The following KCNMA1 variants were observed in gnomAD, a reference collection of about 807,000 sequenced individuals.
KCNMA1 encodes the protein potassium calcium-activated channel subfamily M alpha 1.
A neutral mutation model predicts 140.0 loss-of-function variants in KCNMA1; 29 were observed. The ratio of observed to expected loss-of-function variants is 0.21; its 90% confidence interval spans 0.15 to 0.28. KCNMA1 has a LOEUF of 0.28. KCNMA1 is among the 10% of genes least tolerant of loss of function. KCNMA1 has a pLI of 1.00. For missense variants in KCNMA1, 880 were observed against 1,602.2 expected (o/e 0.55, Z 7.70); for synonymous variants, 612 against 611.9 (o/e 1.00, Z 0.00).
At chr10:77,377,958 T>G (rs904119501) in intron 2 of KCNMA1, among the ~76,000 whole-genome samples, 2 of 152,222 alleles carry the variant, frequency 1.3e-5, no homozygotes, top group Non-Finnish European at 2.9e-5. Context: ...GCTATTTTCT[T>G]TCAATGAATA....
At chr10:76,919,253 A>G (rs1311052992) in intron 23 of KCNMA1, among the ~76,000 whole-genome samples, 1 of 152,150 alleles carries the variant, frequency 6.6e-6, no homozygotes, top group Non-Finnish European at 1.5e-5. Context: ...ACAGATCACC[A>G]CTAAAGAACT....
intron 23 of KCNMA1, among the ~76,000 whole-genome samples, chr10:76,943,613 C>T (rs1196286984): frequency 6.6e-6 from 1 of 152,170 alleles, no homozygotes; most frequent in Non-Finnish European, 1.5e-5. Context: ...CTATCTTTCT[C>T]CTCCACTTTC....
chr10:77,529,462 A>G (rs908633453), intron 1 of KCNMA1, among the ~76,000 whole-genome samples: 5 of 151,640 alleles, frequency 3.3e-5, no homozygotes, highest in Admixed American at 3.3e-4. Flanking sequence ...CCCGGCACCT[A>G]CCCTTTGTCA....
At chr10:76,924,528 C>A (rs942454801) in intron 23 of KCNMA1, among the ~76,000 whole-genome samples, 6 of 152,024 alleles carry the variant, frequency 3.9e-5, no homozygotes, top group Admixed American at 2.6e-4. Flanking sequence ...ATGTTAAAGA[C>A]CCTGAAATCT....
At chr10:77,524,850 A>AGAG (rs943087903) in intron 1 of KCNMA1, among the ~76,000 whole-genome samples, 97 of 152,304 alleles carry the variant, frequency 6.4e-4, no homozygotes, top group African/African-American at 2.2e-3. Context: ...GCGGGAGGGA[A>AGAG]GAGGAGGAAA....
At chr10:77,448,924 T>A (rs1180087797) in intron 1 of KCNMA1, among the ~76,000 whole-genome samples, 1 of 151,870 alleles carries the variant, frequency 6.6e-6, no homozygotes, top group South Asian at 2.1e-4. Context: ...CCGTCTCTAC[T>A]AAAAATACAA....
intron 1 of KCNMA1, among the ~76,000 whole-genome samples, chr10:77,486,076 G>T (rs1304346370): frequency 6.6e-6 from 1 of 152,150 alleles, no homozygotes; most frequent in Non-Finnish European, 1.5e-5. Context: ...ATCCTAACAA[G>T]ATAGAGATAA....
chr10:76,999,291 G>A (rs945032368), intron 19 of KCNMA1, among the ~76,000 whole-genome samples: 54 of 152,244 alleles, frequency 3.5e-4, no homozygotes, highest in African/African-American at 1.2e-3. Flanking sequence ...AGTGTGCTGT[G>A]ATTGGTATTG....
intron 20 of KCNMA1, among the ~76,000 whole-genome samples, chr10:76,960,795 C>T (rs546164522): frequency 6.6e-6 from 1 of 152,016 alleles, no homozygotes; most frequent in Admixed American, 6.5e-5. Context: ...AAGAATCAGC[C>T]TGTCCTTTGA....
chr10:77,368,133 T>C (rs1406493450), intron 2 of KCNMA1, among the ~76,000 whole-genome samples: 1 of 152,256 alleles, frequency 6.6e-6, no homozygotes, highest in Non-Finnish European at 1.5e-5. Flanking sequence ...TTTTCCTGAA[T>C]AGCAACATTG....
intron 14 of KCNMA1, among the ~76,000 whole-genome samples, chr10:77,047,047 AG>A (rs1421626570): frequency 6.6e-6 from 1 of 152,218 alleles, no homozygotes; most frequent in African/African-American, 2.4e-5. Context: ...CTTGGATTTC[AG>A]GGACTCCATA....
At position 77,206,298 on chromosome 10, in the gene KCNMA1, G is replaced by T. The variant is rs373354847; in HGVS notation, c.603-21382C>A. On this transcript the variant is annotated intron_variant, in intron 3 of 27. Coordinates refer to ENST00000286628, the MANE Select transcript of KCNMA1 (RefSeq NM_001161352.2). ...CTAACTCACTGTTAAATCAATAAAA[G>T]AGTTTGAAAAAAATGTGTCAACCTG... 3.9e-5 allele frequency among the ~76,000 whole-genome samples: 6 copies of T among 152,220 alleles called. No homozygotes were observed. In the South Asian group the frequency reaches 1.2e-3, roughly 32 times the overall value.
chr10:77,585,353 G>A (rs2076990154), intron 1 of KCNMA1, among the ~76,000 whole-genome samples: 1 of 152,184 alleles, frequency 6.6e-6, no homozygotes, highest in Admixed American at 6.5e-5. Flanking sequence ...GCATGGTACT[G>A]ATTTCACCAG....
At chr10:77,464,935 T>C (rs1327609954) in intron 1 of KCNMA1, among the ~76,000 whole-genome samples, 1 of 152,216 alleles carries the variant, frequency 6.6e-6, no homozygotes, top group Non-Finnish European at 1.5e-5. Context: ...AGCCCAGGGC[T>C]GAAGTGGCCA....
intron 1 of KCNMA1, among the ~76,000 whole-genome samples, chr10:77,466,084 A>T (rs535211591): frequency 1.6e-4 from 24 of 152,200 alleles, no homozygotes; most frequent in African/African-American, 5.5e-4. Context: ...GCAAAAATAG[A>T]CCATGAGGCC....
intron 19 of KCNMA1, among the ~76,000 whole-genome samples, chr10:76,996,319 A>G (rs1267857856): frequency 6.6e-6 from 1 of 152,220 alleles, no homozygotes; most frequent in African/African-American, 2.4e-5. Flanking sequence ...CAGTCAACCT[A>G]TGGCTCAGCG....
At chr10:77,349,275 A>G (rs1236356816) in intron 2 of KCNMA1, among the ~76,000 whole-genome samples, 1 of 152,182 alleles carries the variant, frequency 6.6e-6, no homozygotes, top group Non-Finnish European at 1.5e-5. Flanking sequence ...GGACACAGCA[A>G]GAAAGTGCCA....
At chr10:77,572,261 T>C (rs1417683162) in intron 1 of KCNMA1, among the ~76,000 whole-genome samples, 1 of 151,982 alleles carries the variant, frequency 6.6e-6, no homozygotes, top group Admixed American at 6.6e-5. Context: ...CAATTCAGAA[T>C]TTTAAAAAGA....
rs1299022120 is a variant in KCNMA1, at chr10:77,637,633, C to T, written c.10G>A (p.Gly4Ser). The part of the protein sequence containing the change: MAN[G>S]GGGGGGSSGG... ...CTGCTGCCGCCGCCGCCGCCGCCACCATTTGCCATAGCTAGCAACGGGCAG... is the reference window on the plus strand; with the variant it reads ...CTGCTGCCGCCGCCGCCGCCGCCACTATTTGCCATAGCTAGCAACGGGCAG... Residue 4 changes from glycine (G) to serine (S), a missense_variant, in exon 1 of 28, where the codon GGT becomes AGT. Around this residue, in one of 13 missense-constraint regions of KCNMA1, gnomAD observed 94 missense variants for 92.4 expected, o/e 1.02. Transcript: ENST00000286628. 1 of 1,521,950 alleles carries T rather than the reference C, an allele frequency of 6.6e-7. No homozygotes were observed. The highest frequency in any genetic ancestry group is 2.0e-5 in the Admixed American group (1 of 49,794). 94.3% of individuals were successfully genotyped at this position (1,521,950 alleles called of 1,614,324 possible). A position where few individuals can be genotyped will look rare whatever the true frequency, so the allele number is the denominator to read the frequency against.
Sources: allele counts gnomAD v4.1 joint callset (sites outside exome capture counted in the v4.1 genomes callset), GRCh38; gene constraint gnomAD v4.1.1; regional missense constraint gnomAD v4.1.1; transcripts MANE v1.5; gene names NCBI Gene and HGNC (gene_info 2026-07-23, HGNC 2026-07-21).